Variants in ZNF678 observed in about 807,000 individuals in gnomAD.
ZNF678 encodes zinc finger protein 678, also known as hypothetical protein MGC42493.
A neutral mutation model predicts 3.0 loss-of-function variants in ZNF678; 5 were observed. The ratio of observed to expected loss-of-function variants is 1.69; its 90% confidence interval spans 0.88 to 3.56. The LOEUF (loss-of-function observed/expected upper bound fraction) is 3.56. Among genes scored for constraint, ZNF678 ranks in the 30% most tolerant of loss-of-function variants. The pLI is 0.00. For synonymous variants in ZNF678, 218 were observed against 199.6 expected (o/e 1.09, Z -0.78); for missense variants, 593 against 605.0 (o/e 0.98, Z 0.21).
chr1:227,677,940 A>AC (rs1659711783), downstream of ZNF678, among the ~76,000 whole-genome samples: 1 of 152,254 alleles, frequency 6.6e-6, no homozygotes, highest in African/African-American at 2.4e-5. Context: ...CAATCCAGCC[A>AC]TTGTAGACCA....
In ZNF678 at chr1:227,603,817, C is replaced by T. The variant is rs55978120; in HGVS notation, c.-164+40093C>T. ...TAGAAGCCTGATTCCATTAACTCCC[C>T]CAAAACTTAATGCAATTTGAGGCTA... On this transcript the variant is annotated intron_variant, in intron 1 of 3. Transcript: ENST00000343776. Among the ~76,000 whole-genome samples, 702 of 152,286 alleles carry T rather than the reference C, an allele frequency of 4.6e-3. 3 individuals carry two copies. The highest frequency in any genetic ancestry group is 6.3e-3 in the Non-Finnish European group (428 of 68,008).
At chr1:227,602,677 T>G (rs1657763911) in intron 1 of ZNF678, among the ~76,000 whole-genome samples, 1 of 152,228 alleles carries the variant, frequency 6.6e-6, no homozygotes, top group Non-Finnish European at 1.5e-5. Context: ...GGTAGAATTA[T>G]TTTAGGTATT....
chr1:227,597,270 G>GT (rs36121687), intron 1 of ZNF678, among the ~76,000 whole-genome samples: 2,826 of 152,300 alleles, frequency 0.019, 88 homozygotes, highest in African/African-American at 0.064. Flanking sequence ...TTAAGAAGGC[G>GT]TTTAAGTGGT....
intron 1 of ZNF678, among the ~76,000 whole-genome samples, chr1:227,580,382 C>A (rs1657094830): frequency 6.6e-6 from 1 of 152,074 alleles, no homozygotes; most frequent in Non-Finnish European, 1.5e-5. Flanking sequence ...ACCTTTAATA[C>A]TAAAGCAAAT....
rs1200472049 is a variant in ZNF678, at chr1:227,661,825, C to T, written c.*5997C>T. 1 of 152,202 alleles carries T rather than the reference C, an allele frequency of 6.6e-6. No homozygotes were observed. Among genetic ancestry groups the T allele is most frequent in the Non-Finnish European group, 1.5e-5 (1 of 68,094 alleles). The allele number at this position is 152,202 out of a possible 1,614,324, so 9.4% of individuals were successfully genotyped here. The stretch of plus-strand genomic sequence containing the variant: ...GGAAAATGGTGAAGGAAAAGATGGT[C>T]CCAGCCTGCAAAGCTGAAGTCAGGA... On this transcript the variant is annotated 3_prime_UTR_variant, in exon 4 of 4. Transcript: ENST00000343776.
intron 1 of ZNF678, among the ~76,000 whole-genome samples, chr1:227,575,353 A>G (rs1015713812): frequency 3.3e-5 from 5 of 152,172 alleles, no homozygotes; most frequent in African/African-American, 1.2e-4. Flanking sequence ...CATTTTTACA[A>G]TACTGATTTT....
rs947487443 is a variant in ZNF678 at position 227,638,652 on chromosome 1, C to G, written c.-163-7892C>G. On this transcript the variant is annotated intron_variant, in intron 1 of 3. Transcript: ENST00000343776. This position sits in a 1 kb window ranked among gnomAD's most constrained non-coding sequence, Gnocchi z 4.2. ...AGAAAGTTAGAAGTACCACAGGGGT[C>G]TAGGTGGATGTCTTGGGTACTATGG... is the stretch of plus-strand genomic sequence containing the variant. Among the ~76,000 whole-genome samples, 1 of 151,832 alleles carries G rather than the reference C, an allele frequency of 6.6e-6. No individual in the cohort carries two copies. Among genetic ancestry groups the G allele is most frequent in the African/African-American group, 2.4e-5 (1 of 41,310 alleles).
chr1:227,636,515 C>CTT (rs1488575306), intron 1 of ZNF678, among the ~76,000 whole-genome samples: 1 of 152,148 alleles, frequency 6.6e-6, no homozygotes, highest in Admixed American at 6.5e-5. Context: ...TTCTATTTAG[C>CTT]ATATATATAG....
intron 1 of ZNF678, among the ~76,000 whole-genome samples, chr1:227,624,678 T>C (rs1335162556): frequency 6.6e-6 from 1 of 152,190 alleles, no homozygotes; most frequent in Non-Finnish European, 1.5e-5. Context: ...TTAGAAGCCA[T>C]GGGTCACAGA....
At chr1:227,608,826 C>T (rs1402945674) in intron 1 of ZNF678, among the ~76,000 whole-genome samples, 1 of 151,916 alleles carries the variant, frequency 6.6e-6, no homozygotes, top group Non-Finnish European at 1.5e-5. Context: ...GAAAAGGAAT[C>T]AAACAGAGAT....
chr1:227,582,442 T>G (rs1657153515), intron 1 of ZNF678: 1 of 156,136 alleles, frequency 6.4e-6, no homozygotes, highest in African/African-American at 2.4e-5. Context: ...CCATCTCAGC[T>G]TCCCAGGTAG....
At position 227,658,327 on chromosome 1, in the gene ZNF678, T is replaced by C. The variant is rs1378035382; in HGVS notation, c.*2499T>C. 1 of 152,046 alleles carries C rather than the reference T, an allele frequency of 6.6e-6. No individual in the cohort carries two copies. The highest frequency in any genetic ancestry group is 1.5e-5 in the Non-Finnish European group (1 of 67,962). 9.4% of individuals were successfully genotyped at this position (152,046 alleles called of 1,614,324 possible). A position where few individuals can be genotyped will look rare whatever the true frequency, so the allele number is the denominator to read the frequency against. Reference sequence around the variant, plus strand: ...AGGAAAGTGCTAGGTTTCCTGGGGGTATAATAGATGCTCTATAATTAGCAG... The same window carrying C: ...AGGAAAGTGCTAGGTTTCCTGGGGGCATAATAGATGCTCTATAATTAGCAG... On this transcript the variant is annotated 3_prime_UTR_variant, in exon 4 of 4. Transcript: ENST00000343776.
At chr1:227,587,251 A>AT (rs33932993) in intron 1 of ZNF678, among the ~76,000 whole-genome samples, 3,201 of 149,004 alleles carry the variant, frequency 0.021, 38 homozygotes, top group Middle Eastern at 0.038. Flanking sequence ...AGCATGTTAG[A>AT]TTTTTTTTTT....
intron 1 of ZNF678, among the ~76,000 whole-genome samples, chr1:227,608,657 T>C (rs12726986): frequency 0.011 from 1,698 of 152,312 alleles, 19 homozygotes; most frequent in South Asian, 0.022. Flanking sequence ...ATTTTACTTA[T>C]GTATTTTTTG....
At chr1:227,649,660 CATT>C (rs1286232066) in intron 2 of ZNF678, among the ~76,000 whole-genome samples, 1 of 152,138 alleles carries the variant, frequency 6.6e-6, no homozygotes, top group Non-Finnish European at 1.5e-5. Flanking sequence ...GGTTTCTTCA[CATT>C]ATTGTCAAAC....
intron 1 of ZNF678, among the ~76,000 whole-genome samples, chr1:227,571,813 C>T (rs528374544): frequency 1.6e-4 from 25 of 152,310 alleles, no homozygotes; most frequent in Admixed American, 1.4e-3. Flanking sequence ...GAGGCCGAGG[C>T]AGGTGGATCA....
At chr1:227,650,828 T>C (rs1324447479) in intron 2 of ZNF678, 128 bp from the exon 3 acceptor site, 11 of 659,356 alleles carry the variant, frequency 1.7e-5, no homozygotes, top group Non-Finnish European at 2.7e-5. Context: ...TTTACTGAGA[T>C]TTTTGATTTA....
At chr1:227,590,001 T>C (rs1372874435) in intron 1 of ZNF678, among the ~76,000 whole-genome samples, 1 of 151,844 alleles carries the variant, frequency 6.6e-6, no homozygotes, top group East Asian at 1.9e-4. Flanking sequence ...GCATGACAGA[T>C]AGTGATTTAT....
chr1:227,662,904 C>CA (rs751367414), downstream of ZNF678, among the ~76,000 whole-genome samples: 35 of 152,114 alleles, frequency 2.3e-4, no homozygotes, highest in Non-Finnish European at 4.4e-4. Flanking sequence ...CATTTTCTCC[C>CA]AAAAATGTAT....
Sources: gnomAD v4.1 joint callset for allele counts (sites outside exome capture counted in the v4.1 genomes callset) on GRCh38, gnomAD v4.1.1 for gene constraint, Gnocchi (gnomAD v3.1) non-coding constraint, MANE v1.5 for transcripts, NCBI Gene and HGNC (gene_info 2026-07-23, HGNC 2026-07-21) for gene names.